Variants in TMEM38B observed in about 807,000 individuals in gnomAD.
TMEM38B encodes the protein transmembrane protein 38B.
TMEM38B carries 24 observed loss-of-function variants against 28.7 expected under a neutral mutation model. The ratio of observed to expected loss-of-function variants is 0.84; its 90% CI spans 0.61 to 1.18. The LOEUF is 1.18. Among genes scored for constraint, TMEM38B ranks in the 50% most tolerant of loss-of-function variants. The pLI, the probability that TMEM38B is intolerant of heterozygous loss-of-function variation, is 0.00. For synonymous variants in TMEM38B, 131 were observed against 127.7 expected (o/e 1.03, Z -0.17); for missense variants, 380 against 350.9 (o/e 1.08, Z -0.66).
At chr9:105,741,913 A>T (rs1421313428) in intron 4 of TMEM38B, among the ~76,000 whole-genome samples, 1 of 152,148 alleles carries the variant, frequency 6.6e-6, no homozygotes, top group Non-Finnish European at 1.5e-5. Context: ...TGTTGAAGGG[A>T]TTGGATGTTT....
chr9:105,770,376 C>G (rs918728666), intron 5 of TMEM38B, among the ~76,000 whole-genome samples: 24 of 152,026 alleles, frequency 1.6e-4, no homozygotes, highest in Non-Finnish European at 2.5e-4. Context: ...TGTTGACTGA[C>G]TAATAAATGA....
chr9:105,713,133 G>C (rs963338769), intron 2 of TMEM38B, among the ~76,000 whole-genome samples: 2 of 152,190 alleles, frequency 1.3e-5, no homozygotes, highest in African/African-American at 4.8e-5. Context: ...CCAAGTCATG[G>C]CTGCAACCCA....
intron 5 of TMEM38B, among the ~76,000 whole-genome samples, chr9:105,772,463 A>G (rs1826583162): frequency 6.6e-6 from 1 of 152,102 alleles, no homozygotes; most frequent in Admixed American, 6.6e-5. Flanking sequence ...AGCAAGGGTA[A>G]ATGTGGAACT....
At chr9:105,758,360 A>T (rs1445947036) in intron 5 of TMEM38B, 20 of 1,025,940 alleles carry the variant, frequency 1.9e-5, no homozygotes, top group Non-Finnish European at 2.9e-5. Flanking sequence ...TCTTACATGG[A>T]TTCTGCTACT....
intron 4 of TMEM38B, among the ~76,000 whole-genome samples, chr9:105,735,303 T>C (rs964538662): frequency 2.6e-5 from 4 of 152,216 alleles, no homozygotes; most frequent in African/African-American, 9.7e-5. Flanking sequence ...ATGTTTATAC[T>C]AGAAGATTGA....
chr9:105,736,601 T>G (rs933252563), intron 4 of TMEM38B, among the ~76,000 whole-genome samples: 2 of 152,254 alleles, frequency 1.3e-5, no homozygotes, highest in African/African-American at 4.8e-5. Context: ...AGTTTATAAC[T>G]TTTCATTTCT....
intron 2 of TMEM38B, among the ~76,000 whole-genome samples, chr9:105,706,702 T>C (rs377177833): frequency 1.2e-4 from 18 of 152,168 alleles, no homozygotes; most frequent in African/African-American, 4.3e-4. Context: ...CTTTTTTTTT[T>C]CCTTAACCTT....
rs919639035 is a variant in TMEM38B, at chr9:105,735,312, G to A, written c.542+12691G>A. ...CTTTTTATGTTTATACTAGAAGATT[G>A]AAAGATTTATATAGCACCATTACAG... On this transcript the variant is annotated intron_variant, in intron 4 of 5. Coordinates refer to ENST00000374692, the MANE Select transcript of TMEM38B (RefSeq NM_018112.3). Among the ~76,000 whole-genome samples the A allele has an allele frequency of 4.6e-5, 7 of 152,276 alleles. No individual in the cohort carries two copies. In the South Asian group the frequency reaches 1.2e-3, roughly 27 times the overall value.
chr9:105,735,592 T>C (rs941568934), intron 4 of TMEM38B, among the ~76,000 whole-genome samples: 1 of 152,210 alleles, frequency 6.6e-6, no homozygotes, highest in Non-Finnish European at 1.5e-5. Flanking sequence ...TTCTTTCAGC[T>C]GTCTAAATGT....
At chr9:105,759,577 T>G in intron 5 of TMEM38B, 1 of 1,560,760 alleles carries the variant, frequency 6.4e-7, no homozygotes, top group Non-Finnish European at 8.8e-7. Context: ...AAGTTGCTGT[T>G]CTTTGGAAGG....
At chr9:105,722,877 A>T (rs1564395356) in intron 4 of TMEM38B, among the ~76,000 whole-genome samples, 1 of 152,188 alleles carries the variant, frequency 6.6e-6, no homozygotes, top group Non-Finnish European at 1.5e-5. Flanking sequence ...AAACCTCTAG[A>T]TTATAGTAGA....
chr9:105,742,665 G>C (rs1439885223), intron 4 of TMEM38B, among the ~76,000 whole-genome samples: 1 of 152,098 alleles, frequency 6.6e-6, no homozygotes, highest in Non-Finnish European at 1.5e-5. Flanking sequence ...CATTTTCTAT[G>C]AAATCCTTGT....
intron 4 of TMEM38B, among the ~76,000 whole-genome samples, chr9:105,723,205 TC>T (rs33925625): frequency 0.01 from 1,535 of 152,308 alleles, 22 homozygotes; most frequent in African/African-American, 0.035. Flanking sequence ...TAATCTGTTC[TC>T]TGAAGACACT....
intron 2 of TMEM38B, among the ~76,000 whole-genome samples, chr9:105,711,284 T>A (rs1312897822): frequency 6.6e-6 from 1 of 151,352 alleles, no homozygotes; most frequent in Non-Finnish European, 1.5e-5. Flanking sequence ...CTACTAAAAT[T>A]ACAAAAATTA....
chr9:105,729,518 G>A (rs573630269), intron 4 of TMEM38B, among the ~76,000 whole-genome samples: 1 of 152,156 alleles, frequency 6.6e-6, no homozygotes, highest in African/African-American at 2.4e-5. Flanking sequence ...GTAGCGTGAT[G>A]CCTCCAGCTT....
intron 4 of TMEM38B, among the ~76,000 whole-genome samples, chr9:105,747,346 T>G (rs1467669166): frequency 3.3e-5 from 5 of 152,232 alleles, no homozygotes; most frequent in Non-Finnish European, 4.4e-5. Context: ...TCTTCTAGAT[T>G]TTCTAGTTTA....
chr9:105,742,894 A>G (rs377185906), intron 4 of TMEM38B, among the ~76,000 whole-genome samples: 12 of 152,208 alleles, frequency 7.9e-5, no homozygotes, highest in African/African-American at 2.9e-4. Context: ...ATAATTTCCA[A>G]ATTAATTGAT....
intron 4 of TMEM38B, among the ~76,000 whole-genome samples, chr9:105,746,406 G>C (rs930947297): frequency 6.6e-6 from 1 of 152,164 alleles, no homozygotes; most frequent in Non-Finnish European, 1.5e-5. Flanking sequence ...AAGAATGCTC[G>C]TGATTTTTGC....
chr9:105,768,511 A>G (rs942025304), intron 5 of TMEM38B, among the ~76,000 whole-genome samples: 1 of 152,126 alleles, frequency 6.6e-6, no homozygotes, highest in African/African-American at 2.4e-5. Context: ...AATGTTTGAT[A>G]GATTCACTAA....
Sources: gnomAD v4.1 joint callset for allele counts (sites outside exome capture counted in the v4.1 genomes callset) on GRCh38, gnomAD v4.1.1 for gene constraint, MANE v1.5 for transcripts, NCBI Gene and HGNC (gene_info 2026-07-23, HGNC 2026-07-21) for gene names.